Variants in SRGAP2 observed in about 807,000 individuals in gnomAD.
SRGAP2 encodes SLIT-ROBO Rho GTPase-activating protein 2.
SRGAP2 carries 15 observed loss-of-function variants against 57.2 expected under a neutral mutation model. That is an observed-to-expected ratio of 0.26 (90% CI 0.18 to 0.40). The LOEUF (loss-of-function observed/expected upper bound fraction) is 0.40. Among genes scored for constraint, SRGAP2 ranks in the 10% least tolerant of loss-of-function variants. SRGAP2 has a pLI of 1.00. For synonymous variants in SRGAP2, 249 were observed against 248.0 expected, an observed-to-expected ratio of 1.00 and a Z score of -0.04; for missense variants, 520 against 669.6, an observed-to-expected ratio of 0.78 and a Z score of 2.47.
At chr1:206,378,456 T>C (rs1290050551) in intron 4 of SRGAP2, among the ~76,000 whole-genome samples, 4 of 152,070 alleles carry the variant, frequency 2.6e-5, no homozygotes, top group Non-Finnish European at 4.4e-5. Flanking sequence ...CACTGCATTC[T>C]AGCCTGGGCA....
intron 2 of SRGAP2, among the ~76,000 whole-genome samples, chr1:206,276,965 C>CTT (rs1297790363): frequency 1.4e-5 from 2 of 140,458 alleles, no homozygotes; most frequent in Non-Finnish European, 3.1e-5. Context: ...ATCTATCACT[C>CTT]TTTTTTTTTT....
chr1:206,438,191 G>A (rs1661948457), intron 16 of SRGAP2, 93 bp downstream of exon 16: 2 of 664,210 alleles, frequency 3.0e-6, no homozygotes, highest in South Asian at 1.7e-5. Context: ...GTTCTCATAA[G>A]CTTTTCAATG....
chr1:206,305,632 G>C (rs1672145516), intron 3 of SRGAP2, among the ~76,000 whole-genome samples: 1 of 151,208 alleles, frequency 6.6e-6, no homozygotes. Context: ...ACGGTGCCTA[G>C]TATAATATGT....
intron 14 of SRGAP2, among the ~76,000 whole-genome samples, chr1:206,431,718 G>A (rs1661292507): frequency 6.6e-6 from 1 of 152,238 alleles, no homozygotes; most frequent in South Asian, 2.1e-4. Flanking sequence ...AGTATGTCAG[G>A]TATTGGTGAA....
At chr1:206,335,971 C>T (rs1208045791) in intron 3 of SRGAP2, among the ~76,000 whole-genome samples, 1 of 152,172 alleles carries the variant, frequency 6.6e-6, no homozygotes, top group Non-Finnish European at 1.5e-5. Flanking sequence ...CCACAAGAAC[C>T]TTGGTCCTAT....
chr1:206,411,497 T>G (rs1196322721), intron 10 of SRGAP2, among the ~76,000 whole-genome samples: 1 of 152,242 alleles, frequency 6.6e-6, no homozygotes. Context: ...CTCTATTATG[T>G]ATTCTATCTG....
At chr1:206,452,466 A>G (rs1663400184) in intron 19 of SRGAP2, among the ~76,000 whole-genome samples, 1 of 152,204 alleles carries the variant, frequency 6.6e-6, no homozygotes, top group Non-Finnish European at 1.5e-5. Context: ...TGTATGATAC[A>G]TTTTCTACAA....
chr1:206,427,335 T>C (rs1553366710), intron 13 of SRGAP2, among the ~76,000 whole-genome samples: 1 of 152,156 alleles, frequency 6.6e-6, no homozygotes, highest in Admixed American at 6.5e-5. Flanking sequence ...GAGATCACCC[T>C]AGCCTAACCA....
rs541291176 is a variant in SRGAP2 at position 206,438,156 on chromosome 1, G to A, written c.1768+58G>A. ...GGGCTACAGCACCGGTAGCAAGAGA[G>A]AAAAAGTTTCCACAGGGTCTGTGTG... is the stretch of plus-strand genomic sequence containing the variant. On this transcript the variant is annotated intron_variant, in intron 16 of 22. Coordinates refer to ENST00000573034, the MANE Select transcript of SRGAP2 (RefSeq NM_015326.5). 996 of 762,584 alleles carry A rather than the reference G, an allele frequency of 1.3e-3. 2 individuals carry two copies. The highest frequency in any genetic ancestry group is 1.8e-3 in the Non-Finnish European group (733 of 408,644). The allele number at this position is 762,584 out of a possible 1,614,324, so 47.2% of individuals were successfully genotyped here. A position where few individuals can be genotyped will look rare whatever the true frequency, so the allele number is the denominator to read the frequency against.
chr1:206,455,118 A>G, intron 21 of SRGAP2, 94 bp downstream of exon 21: 1 of 770,780 alleles, frequency 1.3e-6, no homozygotes. Flanking sequence ...CCTGTGCTGC[A>G]CGTAGGGCTC....
chr1:206,267,444 C>A (rs2102645584), intron 2 of SRGAP2, among the ~76,000 whole-genome samples: 1 of 150,828 alleles, frequency 6.6e-6, no homozygotes, highest in Non-Finnish European at 1.5e-5. Context: ...CATACCCTCT[C>A]ATTCCCTGAC....
At chr1:206,353,767 A>G (rs183338947) in intron 4 of SRGAP2, among the ~76,000 whole-genome samples, 1 of 149,668 alleles carries the variant, frequency 6.7e-6, no homozygotes, top group African/African-American at 2.5e-5. Flanking sequence ...AGATGCTATA[A>G]ATGCCATCCA....
intron 10 of SRGAP2, among the ~76,000 whole-genome samples, chr1:206,409,875 G>A (rs1659048208): frequency 6.6e-6 from 1 of 151,182 alleles, no homozygotes; most frequent in Non-Finnish European, 1.5e-5. Context: ...GAGGCAGGCG[G>A]ATCACCTGAG....
At chr1:206,368,175 GT>G (rs1463616013) in intron 4 of SRGAP2, among the ~76,000 whole-genome samples, 1 of 118,776 alleles carries the variant, frequency 8.4e-6, no homozygotes, top group East Asian at 2.6e-4. Flanking sequence ...GCTTTTATAC[GT>G]GCCAATTTTT....
At position 206,434,321 on chromosome 1, in the gene SRGAP2, T is replaced by C. The variant is rs534434965; in HGVS notation, c.1556-2644T>C. Among the ~76,000 whole-genome samples the C allele has an allele frequency of 3.0e-4, 45 of 152,266 alleles. No homozygotes were observed. The South Asian group carries it at 8.9e-3, about 30-fold the overall frequency. ...ACAAAAAAACAAACCGCCATTTTCA[T>C]GAGGAAGGGAGCAAGATAACGTGAA... On this transcript the variant is annotated intron_variant, in intron 14 of 22. Coordinates refer to ENST00000573034, the MANE Select transcript of SRGAP2 (RefSeq NM_015326.5).
At chr1:206,238,729 C>T (rs1668029116) in intron 2 of SRGAP2, among the ~76,000 whole-genome samples, 1 of 151,862 alleles carries the variant, frequency 6.6e-6, no homozygotes, top group South Asian at 2.1e-4. Flanking sequence ...TGTGGCTGGG[C>T]ATTGGGCAGA....
intron 2 of SRGAP2, among the ~76,000 whole-genome samples, chr1:206,226,893 C>T (rs1667304881): frequency 6.6e-6 from 1 of 151,850 alleles, no homozygotes; most frequent in Admixed American, 6.6e-5. Flanking sequence ...ACGCACCTTC[C>T]TCCTTCTTAG....
intron 13 of SRGAP2, among the ~76,000 whole-genome samples, chr1:206,422,566 A>G (rs1660412340): frequency 6.6e-6 from 1 of 152,210 alleles, no homozygotes; most frequent in South Asian, 2.1e-4. Context: ...TCCCTTTAAC[A>G]CTAAGAAAAG....
At chr1:206,381,173 C>T (rs1260177968) in intron 4 of SRGAP2, among the ~76,000 whole-genome samples, 3 of 152,220 alleles carry the variant, frequency 2.0e-5, no homozygotes, top group African/African-American at 4.8e-5. Context: ...TCTGCCTGGG[C>T]TTAATTGCTG....
Sources: allele counts gnomAD v4.1 joint callset (sites outside exome capture counted in the v4.1 genomes callset), GRCh38; gene constraint gnomAD v4.1.1; transcripts MANE v1.5; gene names NCBI Gene and HGNC (gene_info 2026-07-23, HGNC 2026-07-21).